Variants in KLHL11 observed in about 807,000 individuals in gnomAD.
KLHL11 encodes the protein kelch like family member 11.
In KLHL11, 26 loss-of-function variants were observed where a neutral mutation model predicts 56.1. The observed-to-expected ratio is 0.46, with a 90% CI of 0.34 to 0.64. The LOEUF is 0.64. KLHL11 is among the 30% of genes least tolerant of loss of function. The pLI, the probability that KLHL11 is intolerant of heterozygous loss-of-function variation, is 0.01. For synonymous variants in KLHL11, 338 were observed against 345.8 expected, an observed-to-expected ratio of 0.98 and a Z score of 0.25; for missense variants, 627 against 919.4, an observed-to-expected ratio of 0.68 and a Z score of 4.11.
Position 41,853,415 on chromosome 17 carries a change from G to T in KLHL11, c.*325C>A, listed in dbSNP as rs782211586. 2 of 215,230 alleles carry T rather than the reference G, an allele frequency of 9.3e-6. No homozygotes were observed. Among genetic ancestry groups the T allele is most frequent in the Non-Finnish European group, 9.1e-6 (1 of 109,548 alleles). 13.3% of individuals were successfully genotyped at this position (215,230 alleles called of 1,614,324 possible). On this transcript the variant is annotated 3_prime_UTR_variant, in exon 2 of 2. Transcript: ENST00000319121. ...TTGGTGCTTAAAGCATGTTCAAAAC[G>T]TAAGTCCTCAAGACAAAGGAGTCAT... is the stretch of plus-strand genomic sequence containing the variant.
rs374447891 is a variant in KLHL11 at position 41,851,151 on chromosome 17, T to C, written c.*2589A>G. ...GATAAATCATTGGACAGGTGGCTCTTTGGGAGGCCAAGGTGGGAGGATTGC... is the reference window on the plus strand; with the variant it reads ...GATAAATCATTGGACAGGTGGCTCTCTGGGAGGCCAAGGTGGGAGGATTGC... On this transcript the variant is annotated 3_prime_UTR_variant, in exon 2 of 2. Coordinates refer to ENST00000319121, the MANE Select transcript of KLHL11 (RefSeq NM_018143.3). The C allele has an allele frequency of 1.3e-5, 2 of 152,178 alleles. No homozygotes were observed. Among genetic ancestry groups the C allele is most frequent in the East Asian group, 1.9e-4 (1 of 5,200 alleles). 9.4% of individuals were successfully genotyped at this position (152,178 alleles called of 1,614,324 possible).
At chr17:41,861,907 T>C (rs891013425) in intron 1 of KLHL11, among the ~76,000 whole-genome samples, 1 of 152,120 alleles carries the variant, frequency 6.6e-6, no homozygotes, top group East Asian at 1.9e-4. Flanking sequence ...CTTGGTGGGA[T>C]TGTCCCCCAA....
chr17:41,864,713 C>T, intron 1 of KLHL11, 113 bp downstream of exon 1: 1 of 1,083,034 alleles, frequency 9.2e-7, no homozygotes, highest in Non-Finnish European at 1.2e-6. Context: ...GAAACCAATG[C>T]ATTCACTCAG....
rs376147880 is a variant in KLHL11, at chr17:41,853,785, G to A, written c.2082C>T (p.His694=). ...TTGGCACTCGCCTCATGTTCAGGGCGTGACGATGTATCTCTTGCATCTGTC... is the reference window on the plus strand; with the variant it reads ...TTGGCACTCGCCTCATGTTCAGGGCATGACGATGTATCTCTTGCATCTGTC... The part of the protein sequence containing the change: ...RIRQMQEIHR[H]ALNMRRVPSS... The change falls in exon 2 of 2, where the codon CAC becomes CAT. Residue 694 remains histidine, a synonymous_variant. Transcript: ENST00000319121. The A allele has an allele frequency of 2.5e-5, 40 of 1,614,138 alleles. No homozygotes were observed. Among genetic ancestry groups the A allele is most frequent in the Middle Eastern group, 3.3e-4 (2 of 6,052 alleles).
At chr17:41,856,324 TA>T (rs1204838190) in intron 1 of KLHL11, among the ~76,000 whole-genome samples, 49 of 152,128 alleles carry the variant, frequency 3.2e-4, no homozygotes, top group African/African-American at 1.2e-3. Flanking sequence ...TATTTTTTTG[TA>T]GAGATGGGGT....
At chr17:41,860,319 T>C (rs1191366579) in intron 1 of KLHL11, among the ~76,000 whole-genome samples, 1 of 145,820 alleles carries the variant, frequency 6.9e-6, no homozygotes, top group Non-Finnish European at 1.5e-5. Flanking sequence ...ATTGTGCACA[T>C]CCTATTATTA....
chr17:41,856,664 G>A (rs1046901238), intron 1 of KLHL11, among the ~76,000 whole-genome samples: 1 of 151,944 alleles, frequency 6.6e-6, no homozygotes, highest in African/African-American at 2.4e-5. Flanking sequence ...GCTGAGGGTC[G>A]CTTGAGCCAG....
chr17:41,854,346 G>A lies in KLHL11; in HGVS notation c.1521C>T (p.Ala507=), dbSNP rs568991522. 110 of 1,614,120 alleles carry A rather than the reference G, an allele frequency of 6.8e-5. 1 individual carries two copies. The South Asian group carries it at 7.5e-4, about 11-fold the overall frequency. Residue 507 remains alanine, a synonymous_variant, in exon 2 of 2, where the codon GCC becomes GCT. Transcript: ENST00000319121. The surrounding 1 kb of genome is among the most constrained non-coding windows in gnomAD (Gnocchi z 4.9). ...TGTCCCGGTCTACAGGAGTGCGGGC[G>A]GCAATGTATACAAACCGGTCTTCAA... The part of the protein sequence containing the change: ...LAIEDRFVYI[A]ARTPVDRDTE...
In KLHL11 at chr17:41,854,459, C is replaced by T; in HGVS notation, c.1408G>A (p.Asp470Asn). ...AGCTCAGGATTATAAACAGTCACAT[C>T]TTTAAAACCAGGACTAAAGTTGCCA... ...GHGNFSPGFKDVTVYNPELDK... is the reference protein window; with the variant it reads ...GHGNFSPGFKNVTVYNPELDK... Residue 470 changes from aspartate (D) to asparagine (N), a missense_variant, in exon 2 of 2, where the codon GAT becomes AAT. Transcript: ENST00000319121. This position sits in a 1 kb window ranked among gnomAD's most constrained non-coding sequence, Gnocchi z 4.9. The T allele has an allele frequency of 6.2e-7, 1 of 1,614,202 alleles. No individual in the cohort carries two copies. The highest frequency in any genetic ancestry group is 8.5e-7 in the Non-Finnish European group (1 of 1,180,032).
intron 1 of KLHL11, among the ~76,000 whole-genome samples, chr17:41,858,963 G>T (rs1166582106): frequency 2.6e-5 from 4 of 152,132 alleles, no homozygotes; most frequent in Non-Finnish European, 5.9e-5. Flanking sequence ...TTGGGGATCT[G>T]CTCAGTCAGA....
At position 41,865,297 on chromosome 17, in the gene KLHL11, C is replaced by T; in HGVS notation, c.74G>A (p.Ser25Asn). Reference sequence around the variant, plus strand: ...CGAGCCGGCGGCGGCCGTCTCCATGCTCTCCATCTCCAGTACCTGAAGAGA... The same window carrying T: ...CGAGCCGGCGGCGGCCGTCTCCATGTTCTCCATCTCCAGTACCTGAAGAGA... The part of the protein sequence containing the change: ...AASLQVLEME[S>N]METAAAGSAG... Residue 25 changes from serine to asparagine, a missense_variant, in exon 1 of 2, where the codon AGC becomes AAC. Physicochemically the swap from Ser to Asn is conservative, Grantham distance 46 (BLOSUM62 1). Around this residue, in one of 4 missense-constraint regions of KLHL11, gnomAD observed 121 missense variants for 116.2 expected, o/e 1.04. Transcript: ENST00000319121. 6.4e-7 allele frequency: 1 copy of T among 1,563,994 alleles called. No individual in the cohort carries two copies. Among genetic ancestry groups the T allele is most frequent in the Non-Finnish European group, 8.6e-7 (1 of 1,164,378 alleles).
rs1597944213 is a variant in KLHL11, at chr17:41,849,932, A to G, written c.*3808T>C. The G allele has an allele frequency of 6.6e-6, 1 of 152,216 alleles. No homozygotes were observed. Among genetic ancestry groups the G allele is most frequent in the South Asian group, 2.1e-4 (1 of 4,834 alleles). 9.4% of individuals were successfully genotyped at this position (152,216 alleles called of 1,614,324 possible). ...TAATAACTTCCTCTCTCTTCTACAAACAAAAGCAAAAGCAACAAAACAAAG... is the reference window on the plus strand; with the variant it reads ...TAATAACTTCCTCTCTCTTCTACAAGCAAAAGCAAAAGCAACAAAACAAAG... On this transcript the variant is annotated 3_prime_UTR_variant, in exon 2 of 2. Transcript: ENST00000319121.
chr17:41,859,690 G>C (rs1555622895), intron 1 of KLHL11, among the ~76,000 whole-genome samples: 1 of 152,190 alleles, frequency 6.6e-6, no homozygotes, highest in African/African-American at 2.4e-5. Flanking sequence ...AGAGGTTGCA[G>C]TGAGCTGAGA....
At position 41,865,034 on chromosome 17, in the gene KLHL11, A is replaced by T; in HGVS notation, c.337T>A (p.Ser113Thr). 6.3e-7 allele frequency: 1 copy of T among 1,589,384 alleles called. No individual in the cohort carries two copies. The highest frequency in any genetic ancestry group is 8.6e-7 in the Non-Finnish European group (1 of 1,165,398). The change falls in exon 1 of 2, where the codon TCG (serine) becomes ACG (threonine). Residue 113 changes from serine (S) to threonine (T), a missense_variant. Around this residue, in one of 4 missense-constraint regions of KLHL11, gnomAD observed 150 missense variants for 215.7 expected, o/e 0.70. Transcript: ENST00000319121. Reference protein sequence around the residue: ...AGGREFRAHRSVLAAATEYFT... With the variant: ...AGGREFRAHRTVLAAATEYFT... Reference sequence around the variant, plus strand: ...TACTCGGTGGCGGCAGCCAGTACCGAGCGGTGGGCCCGGAACTCGCGGCCT... The same window carrying T: ...TACTCGGTGGCGGCAGCCAGTACCGTGCGGTGGGCCCGGAACTCGCGGCCT...
At position 41,853,725 on chromosome 17, in the gene KLHL11, C is replaced by T. The variant is rs1555622187; in HGVS notation, c.*15G>A. On this transcript the variant is annotated 3_prime_UTR_variant, in exon 2 of 2. Coordinates refer to ENST00000319121, the MANE Select transcript of KLHL11 (RefSeq NM_018143.3). ...AAACGGGTGTAACAGTTTTAATCGGCACGCTTGAGAGAACCTAGCATTCAA... is the reference window on the plus strand; with the variant it reads ...AAACGGGTGTAACAGTTTTAATCGGTACGCTTGAGAGAACCTAGCATTCAA... 5.7e-6 allele frequency: 9 copies of T among 1,591,300 alleles called. No individual in the cohort carries two copies. Among genetic ancestry groups the T allele is most frequent in the Non-Finnish European group, 7.7e-6 (9 of 1,165,932 alleles).
Position 41,865,116 on chromosome 17 carries a change from G to A in KLHL11, c.255C>T (p.Asn85=). Residue 85 remains asparagine, a synonymous_variant, in exon 1 of 2, where the codon AAC becomes AAT. Coordinates refer to ENST00000319121, the MANE Select transcript of KLHL11 (RefSeq NM_018143.3). ...AGAAGAGGCCCTGGCGCCGCTGCTC[G>A]TTCTGCCGCCAGGACAGCTCTGAGC... is the stretch of plus-strand genomic sequence containing the variant. ...SHCSELSWRQ[N]EQRRQGLFCD... is the part of the protein sequence containing the mutation. The A allele has an allele frequency of 6.2e-7, 1 of 1,606,094 alleles. No individual in the cohort carries two copies. The highest frequency in any genetic ancestry group is 2.2e-5 in the East Asian group (1 of 44,516).
At chr17:41,864,733 G>T in intron 1 of KLHL11, 93 bp downstream of exon 1, 1 of 1,277,162 alleles carries the variant, frequency 7.8e-7, no homozygotes, top group South Asian at 1.6e-5. Context: ...GGACTCGCGA[G>T]CTGCCGTGGC....
rs1555623430 is a variant in KLHL11, at chr17:41,865,242, G to T, written c.129C>A (p.Ser43Arg). The T allele has an allele frequency of 1.3e-6, 2 of 1,591,754 alleles. No individual in the cohort carries two copies. Among genetic ancestry groups the T allele is most frequent in the South Asian group, 2.3e-5 (2 of 88,238 alleles). Residue 43 changes from serine (S) to arginine (R), a missense_variant, in exon 1 of 2, where the codon AGC becomes AGA. By Grantham distance (110) the Ser-to-Arg change is moderately radical. Coordinates refer to ENST00000319121, the MANE Select transcript of KLHL11 (RefSeq NM_018143.3). The stretch of plus-strand genomic sequence containing the variant: ...GCCCAGGCCCGAAGTCCACCGTGCC[G>T]CTGCCTCGGACCTCGGCGGCCAGTC... ...SAGLAAEVRGSGTVDFGPGPG... is the reference protein window; with the variant it reads ...SAGLAAEVRGRGTVDFGPGPG...
chr17:41,865,079 G>A lies in KLHL11; in HGVS notation c.292C>T (p.Leu98=), dbSNP rs782762630. The A allele has an allele frequency of 4.4e-6, 7 of 1,601,958 alleles. No homozygotes were observed. The highest frequency in any genetic ancestry group is 3.3e-5 in the South Asian group (3 of 89,872). ...CGGCCTCCAGCCCCGCCGAAGCACA[G>A]GGTAATGTCGCAGAAGAGGCCCTGG... ...RRQGLFCDIT[L]CFGGAGGREF... is the part of the protein sequence containing the mutation. Residue 98 remains leucine, a synonymous_variant, in exon 1 of 2, where the codon CTG becomes TTG. Coordinates refer to ENST00000319121, the MANE Select transcript of KLHL11 (RefSeq NM_018143.3).
Sources: allele counts gnomAD v4.1 joint callset (sites outside exome capture counted in the v4.1 genomes callset), GRCh38; gene constraint gnomAD v4.1.1; regional missense constraint gnomAD v4.1.1; non-coding constraint Gnocchi (gnomAD v3.1); transcripts MANE v1.5; gene names NCBI Gene and HGNC (gene_info 2026-07-23, HGNC 2026-07-21).